ITGAE: variants seen among roughly 807,000 people sequenced by gnomAD.
ITGAE encodes integrin subunit alpha E, also known as integrin alpha-E.
In ITGAE, 99 loss-of-function variants were observed where a neutral mutation model predicts 136.5. The observed-to-expected ratio is 0.73, with a 90% confidence interval of 0.62 to 0.86. The LOEUF is 0.86. Ranked by LOEUF, ITGAE falls within the 40% of genes least tolerant of loss-of-function variation. The pLI is 0.00. For synonymous variants in ITGAE, 613 were observed against 591.8 expected, an observed-to-expected ratio of 1.04 and a Z score of -0.52; for missense variants, 1,447 against 1,515.3, an observed-to-expected ratio of 0.95 and a Z score of 0.75.
intron 29 of ITGAE, chr17:3,717,536 C>T (rs1039100328): frequency 1.3e-5 from 2 of 152,170 alleles, no homozygotes; most frequent in Non-Finnish European, 1.5e-5. Context: ...TATGGCCCTT[C>T]CAAGTTGTGG....
rs1336811651 is a variant in ITGAE at position 3,732,482 on chromosome 17, A to C, written c.2656-16T>G. The stretch of plus-strand genomic sequence containing the variant: ...GAGAGGGAGGCTGTTAAAAGAGCAG[A>C]TGACATTCTCTTAAAGAGCCAAACA... On this transcript the variant is annotated splice_polypyrimidine_tract_variant and intron_variant, in intron 21 of 30. Coordinates refer to ENST00000263087, the MANE Select transcript of ITGAE (RefSeq NM_002208.5). The C allele has an allele frequency of 3.7e-6, 6 of 1,600,660 alleles. No individual in the cohort carries two copies.
intron 10 of ITGAE, among the ~76,000 whole-genome samples, chr17:3,756,220 T>C (rs2052020827): frequency 8.1e-6 from 1 of 122,966 alleles, no homozygotes; most frequent in Non-Finnish European, 1.6e-5. Flanking sequence ...GGGATATTGT[T>C]GGCCTTTTTT....
intron 1 of ITGAE, 124 bp from the exon 2 acceptor site, chr17:3,777,784 G>A (rs1279862121): frequency 8.8e-7 from 1 of 1,130,204 alleles, no homozygotes; most frequent in Non-Finnish European, 1.2e-6. Flanking sequence ...GGATCTTTAT[G>A]TGTGTGTGAG....
At chr17:3,785,834 A>G (rs2052780183) in intron 1 of ITGAE, among the ~76,000 whole-genome samples, 1 of 152,138 alleles carries the variant, frequency 6.6e-6, no homozygotes, top group Non-Finnish European at 1.5e-5. Context: ...ATGAATAAAA[A>G]ATAGAAAGGG....
chr17:3,798,128 C>G lies in ITGAE; in HGVS notation c.34+2983G>C, dbSNP rs2053166031. On this transcript the variant is annotated intron_variant, in intron 1 of 30. Transcript: ENST00000263087. The surrounding 1 kb of genome is among the most constrained non-coding windows in gnomAD (Gnocchi z 4.3). ...ATGTGGGGCTCCCACACGGCCCACA[C>G]TCCCCCAGCCAGCTCTCCCCCACAC... 6.6e-6 allele frequency among the ~76,000 whole-genome samples: 1 copy of G among 152,234 alleles called. No individual in the cohort carries two copies. The highest frequency in any genetic ancestry group is 1.5e-5 in the Non-Finnish European group (1 of 68,044).
rs200442248 is a variant in ITGAE at position 3,761,049 on chromosome 17, T to C, written c.562A>G (p.Lys188Glu). The C allele has an allele frequency of 2.6e-5, 41 of 1,603,442 alleles. No individual in the cohort carries two copies. Among genetic ancestry groups the C allele is most frequent in the East Asian group, 4.5e-5 (2 of 44,812 alleles). ...TCCTCCTCGTCTTCCTCCTCCTCCT[T>C]GTCTTCCTCCTCCTCCTTCTCCAGA... is the stretch of plus-strand genomic sequence containing the variant. ...RALEKEEEED[K>E]EEEEDEEEEE... Residue 188 changes from lysine to glutamate, a missense_variant, in exon 6 of 31, where the codon AAG (lysine) becomes GAG (glutamate). Transcript: ENST00000263087.
intron 7 of ITGAE, 34 bp downstream of exon 7, chr17:3,760,138 A>C: frequency 1.6e-6 from 2 of 1,224,532 alleles, no homozygotes; most frequent in Non-Finnish European, 2.4e-6. Flanking sequence ...TCTCAGCAAT[A>C]GATAAGTGTT....
At chr17:3,746,032 T>C in intron 17 of ITGAE, 105 bp from the exon 18 acceptor site, 1 of 1,016,054 alleles carries the variant, frequency 9.8e-7, no homozygotes, top group South Asian at 1.6e-5. Context: ...CTGAACAGTG[T>C]CCCCATGCAG....
chr17:3,751,621 G>A (rs1286295938), intron 15 of ITGAE, 29 bp downstream of exon 15: 2 of 1,591,522 alleles, frequency 1.3e-6, no homozygotes, highest in Admixed American at 1.7e-5. Flanking sequence ...AGCCCCAGAG[G>A]AGAGGAAGGA....
In ITGAE at chr17:3,732,413, C is replaced by T; in HGVS notation, c.2709G>A (p.Leu903=). ...GGTGACCAATCCTGCAGTTCATGAT[C>T]AGGACAGAAGCAACCGGCTGAGGGT... ...CDDPQPVASV[L]IMNCRIGHPV... Residue 903 remains leucine, a synonymous_variant, in exon 22 of 31, where the codon CTG becomes CTA. Transcript: ENST00000263087. 1 of 1,614,152 alleles carries T rather than the reference C, an allele frequency of 6.2e-7. No homozygotes were observed. Among genetic ancestry groups the T allele is most frequent in the Non-Finnish European group, 8.5e-7 (1 of 1,180,018 alleles).
intron 23 of ITGAE, among the ~76,000 whole-genome samples, chr17:3,730,181 C>T (rs998869014): frequency 6.6e-5 from 10 of 152,036 alleles, no homozygotes; most frequent in South Asian, 4.1e-4. Context: ...AGAGGCTGGG[C>T]GCGGTGGCTC....
rs112490560 is a variant in ITGAE, at chr17:3,780,324, G to A, written c.35-2664C>T. On this transcript the variant is annotated intron_variant, in intron 1 of 30. Coordinates refer to ENST00000263087, the MANE Select transcript of ITGAE (RefSeq NM_002208.5). ...TAGCTGTGACTACAGGCGCCTGCCC[G>A]GCTAATTTTTTGTATTTTTAGTAGA... Among the ~76,000 whole-genome samples, 781 of 152,088 alleles carry A rather than the reference G, an allele frequency of 5.1e-3. 6 individuals carry two copies. The highest frequency in any genetic ancestry group is 9.5e-3 in the South Asian group (46 of 4,822).
At chr17:3,760,429 G>GTTT (rs1567540247) in intron 6 of ITGAE, 142 bp from the exon 7 acceptor site, 69 of 60,714 alleles carry the variant, frequency 1.1e-3, no homozygotes, top group African/African-American at 3.4e-3. Context: ...CAAGAGGGAA[G>GTTT]CTTTTTTTTT....
rs1235012905 is a variant in ITGAE, at chr17:3,756,964, C to G, written c.1171+20G>C. ...ATAGGCTCGGGCCTCCTGCGGTGGCCTGGGTCCCGGAGCCCTCACCTTCCA... is the reference window on the plus strand; with the variant it reads ...ATAGGCTCGGGCCTCCTGCGGTGGCGTGGGTCCCGGAGCCCTCACCTTCCA... On this transcript the variant is annotated intron_variant, in intron 10 of 30. Transcript: ENST00000263087. 2 of 1,602,222 alleles carry G rather than the reference C, an allele frequency of 1.2e-6. No homozygotes were observed. Among genetic ancestry groups the G allele is most frequent in the Non-Finnish European group, 1.7e-6 (2 of 1,174,088 alleles).
Position 3,755,960 on chromosome 17 carries a change from G to A in ITGAE, c.1172-63C>T, listed in dbSNP as rs2052011209. ...GAGGTGAAGGGAGAAACTGAGTCAG[G>A]GGACAGTCCAGCTTGGCCTCACTCC... On this transcript the variant is annotated intron_variant, in intron 10 of 30. Coordinates refer to ENST00000263087, the MANE Select transcript of ITGAE (RefSeq NM_002208.5). 6.7e-6 allele frequency: 10 copies of A among 1,496,476 alleles called. No individual in the cohort carries two copies. In the South Asian group the frequency reaches 1.2e-4, roughly 18 times the overall value. The allele number at this position is 1,496,476 out of a possible 1,614,324, so 92.7% of individuals were successfully genotyped here. A position where few individuals can be genotyped will look rare whatever the true frequency, so the allele number is the denominator to read the frequency against.
At chr17:3,774,135 C>T (rs1296787016) in intron 2 of ITGAE, among the ~76,000 whole-genome samples, 1 of 150,854 alleles carries the variant, frequency 6.6e-6, no homozygotes, top group African/African-American at 2.4e-5. Flanking sequence ...AAGCTCCCGC[C>T]CTGCCCAGCC....
At chr17:3,763,419 G>C (rs1418061072) in intron 3 of ITGAE, among the ~76,000 whole-genome samples, 1 of 152,090 alleles carries the variant, frequency 6.6e-6, no homozygotes, top group Non-Finnish European at 1.5e-5. Context: ...GAATATGTAG[G>C]GGGTGAATTG....
chr17:3,773,857 A>G (rs1312707307), intron 2 of ITGAE, among the ~76,000 whole-genome samples: 1 of 152,248 alleles, frequency 6.6e-6, no homozygotes, highest in East Asian at 1.9e-4. Context: ...CCGTCAACTC[A>G]TTAACAAAGA....
chr17:3,741,222 T>C (rs1438807955), intron 19 of ITGAE, among the ~76,000 whole-genome samples: 6 of 150,104 alleles, frequency 4.0e-5, no homozygotes, highest in Admixed American at 1.3e-4. Flanking sequence ...GGACTACAGC[T>C]GCCCGCCACC....
Sources: allele counts gnomAD v4.1 joint callset (sites outside exome capture counted in the v4.1 genomes callset), GRCh38; gene constraint gnomAD v4.1.1; non-coding constraint Gnocchi (gnomAD v3.1); transcripts MANE v1.5; gene names NCBI Gene and HGNC (gene_info 2026-07-23, HGNC 2026-07-21).